Variants in EHMT1 observed in about 807,000 individuals in gnomAD.
The protein encoded by EHMT1 is histone-lysine N-methyltransferase EHMT1.
In EHMT1, 15 loss-of-function variants were observed where a neutral mutation model predicts 147.2. The observed-to-expected ratio is 0.10, with a 90% confidence interval of 0.07 to 0.16. EHMT1 has a LOEUF of 0.16. EHMT1 is among the 10% of genes least tolerant of loss of function. The pLI is 1.00. For synonymous variants in EHMT1, 795 were observed against 709.6 expected (o/e 1.12, Z -1.91); for missense variants, 1,587 against 1,772.4 (o/e 0.90, Z 1.88).
intron 16 of EHMT1, among the ~76,000 whole-genome samples, chr9:137,792,881 G>GTT (rs1952630987): frequency 6.6e-6 from 1 of 152,110 alleles, no homozygotes; most frequent in African/African-American, 2.4e-5. Context: ...AATTAAAAAC[G>GTT]TTTGGCCCTG....
intron 18 of EHMT1, among the ~76,000 whole-genome samples, chr9:137,803,935 G>C (rs559703230): frequency 1.8e-4 from 27 of 152,136 alleles, no homozygotes; most frequent in Admixed American, 8.5e-4. Context: ...TGCTATCAGG[G>C]TTCTACCTAA....
rs1216358899 is a variant in EHMT1, at chr9:137,835,158, G to A, written c.*205G>A. 6.5e-5 allele frequency: 34 copies of A among 520,258 alleles called. 1 individual carries two copies. The East Asian group carries it at 1.3e-3, about 19-fold the overall frequency. The allele number at this position is 520,258 out of a possible 1,614,324, so 32.2% of individuals were successfully genotyped here. A position where few individuals can be genotyped will look rare whatever the true frequency, so the allele number is the denominator to read the frequency against. ...ACCTTCCCAGACCTGCGGCCTCACC[G>A]CGGGCCCAGTGCCCAGGCTGGAGCG... On this transcript the variant is annotated 3_prime_UTR_variant, in exon 27 of 27. Coordinates refer to ENST00000460843, the MANE Select transcript of EHMT1 (RefSeq NM_024757.5).
intron 16 of EHMT1, among the ~76,000 whole-genome samples, chr9:137,796,703 C>CAAAAAAAAAAAAAAAAAAAAAAAA (rs11449759): frequency 1.2e-5 from 1 of 85,852 alleles, no homozygotes; most frequent in Non-Finnish European, 2.1e-5. Context: ...GACTCCATCT[C>CAAAAAAAAAAAAAAAAAAAAAAAA]AAAAAAAAAA....
At chr9:137,707,226 G>A (rs145023192) in intron 1 of EHMT1, among the ~76,000 whole-genome samples, 2 of 152,332 alleles carry the variant, frequency 1.3e-5, no homozygotes, top group East Asian at 3.9e-4. Context: ...GCGCTGCTTG[G>A]GGGGGCTGGT....
At chr9:137,756,677 G>C (rs958207644) in intron 8 of EHMT1, among the ~76,000 whole-genome samples, 3 of 152,220 alleles carry the variant, frequency 2.0e-5, no homozygotes, top group African/African-American at 4.8e-5. Context: ...AAGCATTTTA[G>C]AGCCAAGACT....
intron 1 of EHMT1, among the ~76,000 whole-genome samples, chr9:137,634,868 ATTTTTTT>A (rs781056803): frequency 2.4e-3 from 223 of 92,078 alleles, no homozygotes; most frequent in Admixed American, 3.4e-3. Flanking sequence ...TGCCCAGCTA[ATTTTTTT>A]TTTTTTTTTT....
intron 4 of EHMT1, among the ~76,000 whole-genome samples, chr9:137,741,919 C>T (rs1005701637): frequency 6.6e-6 from 1 of 152,182 alleles, no homozygotes; most frequent in Non-Finnish European, 1.5e-5. Context: ...CTTCATCCCC[C>T]CACAAAATAT....
At chr9:137,811,129 T>A (rs557058956) in intron 18 of EHMT1, among the ~76,000 whole-genome samples, 1 of 152,194 alleles carries the variant, frequency 6.6e-6, no homozygotes, top group African/African-American at 2.4e-5. Context: ...GAAAAGTGCC[T>A]CCAAGTGTTA....
chr9:137,715,664 T>G, intron 2 of EHMT1: 1 of 985,364 alleles, frequency 1.0e-6, no homozygotes. Flanking sequence ...TGATGTAAAA[T>G]AGTGTCTCCT....
intron 9 of EHMT1, among the ~76,000 whole-genome samples, chr9:137,761,609 T>C (rs969607231): frequency 2.0e-5 from 3 of 152,074 alleles, no homozygotes; most frequent in East Asian, 1.9e-4. Context: ...ATGTGCCCCA[T>C]GCCCAGCTAA....
intron 1 of EHMT1, among the ~76,000 whole-genome samples, chr9:137,690,480 G>A (rs1942838516): frequency 7.0e-6 from 1 of 141,868 alleles, no homozygotes; most frequent in South Asian, 2.2e-4. Context: ...CTGCACTCCC[G>A]CCTGGGTGGC....
At chr9:137,696,792 C>G (rs192739902) in intron 1 of EHMT1, among the ~76,000 whole-genome samples, 1 of 152,280 alleles carries the variant, frequency 6.6e-6, no homozygotes, top group Admixed American at 6.5e-5. Flanking sequence ...ACACCCCTCC[C>G]AAAACACAAA....
At chr9:137,662,820 G>A (rs1365087521) in intron 1 of EHMT1, among the ~76,000 whole-genome samples, 1 of 141,536 alleles carries the variant, frequency 7.1e-6, no homozygotes, top group Non-Finnish European at 1.5e-5. Flanking sequence ...TTTTGACAGA[G>A]TCTTGCTCTG....
chr9:137,745,027 A>G (rs1012857762), intron 6 of EHMT1, among the ~76,000 whole-genome samples: 1 of 152,248 alleles, frequency 6.6e-6, no homozygotes, highest in East Asian at 1.9e-4. Context: ...TTGACATGCA[A>G]ATCTGTGGTT....
chr9:137,671,003 G>T (rs534572112), intron 1 of EHMT1, among the ~76,000 whole-genome samples: 19 of 152,276 alleles, frequency 1.2e-4, no homozygotes, highest in African/African-American at 4.1e-4. Flanking sequence ...CTTGTTCCAG[G>T]GTAAGCCGCT....
chr9:137,651,744 G>A (rs765270526), intron 1 of EHMT1, among the ~76,000 whole-genome samples: 6 of 152,114 alleles, frequency 3.9e-5, no homozygotes, highest in African/African-American at 1.2e-4. Context: ...GCAGTGAGCC[G>A]AGATTGTGTC....
intron 18 of EHMT1, chr9:137,802,682 T>C: frequency 1.8e-6 from 1 of 561,208 alleles, no homozygotes; most frequent in Non-Finnish European, 2.7e-6. Flanking sequence ...ACCTCCCACC[T>C]AGAAACAGGG....
rs560237198 is a variant in EHMT1, at chr9:137,626,825, G to T, written c.21+7776G>T. 3.8e-4 allele frequency among the ~76,000 whole-genome samples: 54 copies of T among 142,286 alleles called. No homozygotes were observed. The South Asian group carries it at 0.012, about 31-fold the overall frequency. 93.3% of individuals were successfully genotyped at this position (142,286 alleles called of 152,430 possible). On this transcript the variant is annotated intron_variant, in intron 1 of 26. Transcript: ENST00000460843. ...TTTGAGACAGAGTTTTGCTCTTGTT[G>T]CCCAGGCTGGAGTGCAGTGGCGTGA...
chr9:137,621,855 T>C (rs887157841), intron 1 of EHMT1, among the ~76,000 whole-genome samples: 10 of 152,120 alleles, frequency 6.6e-5, no homozygotes, highest in African/African-American at 2.4e-4. Flanking sequence ...TTTTTTCTTT[T>C]TTAAAATAAT....
Sources: gnomAD v4.1 joint callset for allele counts (sites outside exome capture counted in the v4.1 genomes callset) on GRCh38, gnomAD v4.1.1 for gene constraint, MANE v1.5 for transcripts, NCBI Gene and HGNC (gene_info 2026-07-23, HGNC 2026-07-21) for gene names.